Variants in ATG7 observed in about 807,000 individuals in gnomAD.
ATG7 encodes ubiquitin-like modifier-activating enzyme ATG7.
Under a neutral mutation model 82.4 loss-of-function variants are expected in ATG7, and 70 were observed. The ratio of observed to expected loss-of-function variants is 0.85; its 90% CI spans 0.70 to 1.04. The LOEUF (loss-of-function observed/expected upper bound fraction) is 1.04. Among genes scored for constraint, ATG7 ranks in the 50% least tolerant of loss-of-function variants. ATG7 has a pLI of 0.00. For missense variants in ATG7, 792 were observed against 864.3 expected (o/e 0.92, Z 1.05); for synonymous variants, 287 against 313.0 (o/e 0.92, Z 0.88).
At chr3:11,377,409 G>T (rs1194939755) in intron 18 of ATG7, among the ~76,000 whole-genome samples, 1 of 152,054 alleles carries the variant, frequency 6.6e-6, no homozygotes, top group East Asian at 1.9e-4. Context: ...ACCGTGCACG[G>T]CATCTTCTTT....
intron 5 of ATG7, among the ~76,000 whole-genome samples, chr3:11,302,881 T>G (rs970425426): frequency 6.6e-6 from 1 of 152,192 alleles, no homozygotes; most frequent in African/African-American, 2.4e-5. Context: ...GAATTGTCAG[T>G]CAAGTAGTAT....
intron 19 of ATG7, among the ~76,000 whole-genome samples, chr3:11,394,993 A>G (rs1207205230): frequency 6.6e-6 from 1 of 152,188 alleles, no homozygotes. Context: ...TTAGACATAC[A>G]CTATGAAATA....
intron 1 of ATG7, among the ~76,000 whole-genome samples, chr3:11,275,231 A>G (rs1220532151): frequency 6.6e-6 from 1 of 152,150 alleles, no homozygotes; most frequent in Non-Finnish European, 1.5e-5. Context: ...AAATTCTTTG[A>G]CTAGTGTCTC....
intron 3 of ATG7, among the ~76,000 whole-genome samples, chr3:11,289,178 C>G (rs569950695): frequency 6.6e-6 from 1 of 152,246 alleles, no homozygotes; most frequent in Admixed American, 6.5e-5. Flanking sequence ...AAGCAGAGGC[C>G]GAAGTTTCAC....
downstream of ATG7, among the ~76,000 whole-genome samples, chr3:11,561,916 T>TTTA (rs397943216): frequency 6.7e-6 from 1 of 148,272 alleles, no homozygotes; most frequent in East Asian, 2.0e-4. Context: ...TTTTTTTTTT[T>TTTA]AAAGACAAAG....
chr3:11,533,750 A>G (rs1258082871), intron 20 of ATG7, among the ~76,000 whole-genome samples: 1 of 152,184 alleles, frequency 6.6e-6, no homozygotes, highest in Admixed American at 6.5e-5. Context: ...GTAGCCTTAC[A>G]TTTTGAACTT....
chr3:11,273,293 C>T (rs774741723), intron 1 of ATG7, among the ~76,000 whole-genome samples: 28 of 152,332 alleles, frequency 1.8e-4, no homozygotes, highest in Non-Finnish European at 3.2e-4. Flanking sequence ...TTCTCTGACA[C>T]CTCTGCCCAC....
chr3:11,442,902 C>T (rs539914854), intron 20 of ATG7, among the ~76,000 whole-genome samples: 1 of 152,104 alleles, frequency 6.6e-6, no homozygotes, highest in African/African-American at 2.4e-5. Context: ...GCCTGGGCCA[C>T]AAAGCAAGAC....
At chr3:11,434,319 A>G (rs1382426628) in intron 20 of ATG7, among the ~76,000 whole-genome samples, 1 of 152,226 alleles carries the variant, frequency 6.6e-6, no homozygotes, top group Non-Finnish European at 1.5e-5. Flanking sequence ...CCGTGTCAGC[A>G]CTCAGACCTG....
chr3:11,326,224 G>A (rs539649450), intron 9 of ATG7, among the ~76,000 whole-genome samples: 25 of 151,994 alleles, frequency 1.6e-4, no homozygotes, highest in Non-Finnish European at 3.1e-4. Flanking sequence ...CAATGTTTTG[G>A]AAGTAGAAAT....
intron 20 of ATG7, among the ~76,000 whole-genome samples, chr3:11,511,867 G>T (rs1254714739): frequency 1.3e-5 from 2 of 152,188 alleles, no homozygotes; most frequent in Non-Finnish European, 2.9e-5. Flanking sequence ...CCTGGGGCCA[G>T]CAGGGCTGGC....
At chr3:11,430,475 C>G (rs1215407358) in intron 20 of ATG7, among the ~76,000 whole-genome samples, 1 of 152,114 alleles carries the variant, frequency 6.6e-6, no homozygotes, top group Non-Finnish European at 1.5e-5. Flanking sequence ...ATTTTAGCAA[C>G]ACAATCAAGA....
chr3:11,382,681 T>C (rs2078003844), intron 19 of ATG7, among the ~76,000 whole-genome samples: 1 of 152,234 alleles, frequency 6.6e-6, no homozygotes, highest in Admixed American at 6.5e-5. Context: ...GAGGGAAAAG[T>C]ATAATTTTTA....
intron 20 of ATG7, among the ~76,000 whole-genome samples, chr3:11,547,376 G>T (rs965468031): frequency 6.6e-6 from 1 of 152,152 alleles, no homozygotes; most frequent in Non-Finnish European, 1.5e-5. Context: ...GACAGACCAC[G>T]TTTCATTTAT....
At chr3:11,339,438 A>T (rs2152770522) in intron 11 of ATG7, among the ~76,000 whole-genome samples, 1 of 152,056 alleles carries the variant, frequency 6.6e-6, no homozygotes, top group Admixed American at 6.5e-5. Flanking sequence ...CAGACAGTGG[A>T]GGTGATGCTG....
chr3:11,346,891 A>G (rs1356939153), intron 13 of ATG7, among the ~76,000 whole-genome samples: 1 of 152,224 alleles, frequency 6.6e-6, no homozygotes, highest in Non-Finnish European at 1.5e-5. Context: ...GTCGTTCTCG[A>G]CACAGAAAAC....
chr3:11,525,922 CAT>C (rs2092568431), intron 20 of ATG7, among the ~76,000 whole-genome samples: 1 of 152,114 alleles, frequency 6.6e-6, no homozygotes, highest in African/African-American at 2.4e-5. Context: ...TTTAATTCCT[CAT>C]GTGTAGAGAC....
intron 18 of ATG7, among the ~76,000 whole-genome samples, chr3:11,377,395 C>T (rs1027499878): frequency 6.6e-6 from 1 of 152,100 alleles, no homozygotes; most frequent in African/African-American, 2.4e-5. Context: ...CTCATTCAAC[C>T]AATACCGTGC....
chr3:11,490,178 A>G (rs1234742960), intron 20 of ATG7, among the ~76,000 whole-genome samples: 5 of 152,182 alleles, frequency 3.3e-5, no homozygotes, highest in African/African-American at 4.8e-5. Context: ...GGGTGCATAT[A>G]TATTTACGAT....
Sources: gnomAD v4.1 joint callset for allele counts (sites outside exome capture counted in the v4.1 genomes callset) on GRCh38, gnomAD v4.1.1 for gene constraint, MANE v1.5 for transcripts, NCBI Gene and HGNC (gene_info 2026-07-23, HGNC 2026-07-21) for gene names.